The following PRMT3 variants were observed in gnomAD, a reference collection of about 807,000 sequenced individuals.
The protein encoded by PRMT3 is protein arginine N-methyltransferase 3.
A neutral mutation model predicts 71.9 loss-of-function variants in PRMT3; 62 were observed. The ratio of observed to expected loss-of-function variants is 0.86; its 90% CI spans 0.70 to 1.07. PRMT3 has a LOEUF of 1.07. Ranked by LOEUF, PRMT3 falls within the 50% of genes least tolerant of loss-of-function variation. The pLI is 0.00. For missense variants in PRMT3, 663 were observed against 643.0 expected (o/e 1.03, Z -0.34); for synonymous variants, 213 against 220.4 (o/e 0.97, Z 0.30).
At chr11:20,480,415 A>G (rs200356030) in intron 13 of PRMT3, among the ~76,000 whole-genome samples, 21 of 152,292 alleles carry the variant, frequency 1.4e-4, no homozygotes, top group African/African-American at 4.3e-4. Context: ...AAAAATGTCT[A>G]TCTGGTGGTC....
intron 11 of PRMT3, among the ~76,000 whole-genome samples, chr11:20,460,588 C>CTA: frequency 6.6e-6 from 1 of 152,088 alleles, no homozygotes; most frequent in East Asian, 1.9e-4. Flanking sequence ...ATTTATATGC[C>CTA]TATGGTCTCC....
intron 13 of PRMT3, among the ~76,000 whole-genome samples, 160 bp from the exon 14 acceptor site, chr11:20,493,759 G>A (rs958817778): frequency 3.9e-5 from 6 of 151,948 alleles, no homozygotes; most frequent in Non-Finnish European, 8.8e-5. Context: ...ACATTACTTC[G>A]TTTTTACTTA....
At chr11:20,503,541 A>G (rs1005735268) in intron 15 of PRMT3, among the ~76,000 whole-genome samples, 3 of 152,084 alleles carry the variant, frequency 2.0e-5, no homozygotes. Context: ...CAAGACAGTC[A>G]CTGATATGCT....
chr11:20,472,934 G>T (rs1850685509), intron 13 of PRMT3, among the ~76,000 whole-genome samples: 1 of 151,992 alleles, frequency 6.6e-6, no homozygotes, highest in South Asian at 2.1e-4. Context: ...GCTCATTATT[G>T]GTCTCATCAG....
intron 7 of PRMT3, among the ~76,000 whole-genome samples, chr11:20,398,691 A>G (rs923569836): frequency 7.9e-5 from 12 of 152,142 alleles, no homozygotes; most frequent in Non-Finnish European, 1.3e-4. Context: ...TTCTATCTTT[A>G]GATATGCTTA....
At chr11:20,478,628 C>G (rs914501559) in intron 13 of PRMT3, among the ~76,000 whole-genome samples, 1 of 151,868 alleles carries the variant, frequency 6.6e-6, no homozygotes. Context: ...CTTTCAGTTA[C>G]TGAGTTTTTT....
rs565583613 is a variant in PRMT3 at position 20,458,208 on chromosome 11, T to C, written c.1073-3772T>C. On this transcript the variant is annotated intron_variant, in intron 11 of 15. Coordinates refer to ENST00000331079, the MANE Select transcript of PRMT3 (RefSeq NM_005788.4). ...GAAAAAAGTGGTTTATTTTGACTTA[T>C]TTACTATCTCCTTTGTTTTAAATCT... Among the ~76,000 whole-genome samples the C allele has an allele frequency of 3.3e-5, 5 of 152,314 alleles. No homozygotes were observed. In the South Asian group the frequency reaches 1.0e-3, roughly 32 times the overall value.
At chr11:20,477,669 T>C (rs1850825018) in intron 13 of PRMT3, among the ~76,000 whole-genome samples, 1 of 152,198 alleles carries the variant, frequency 6.6e-6, no homozygotes, top group African/African-American at 2.4e-5. Context: ...AAATAGATTT[T>C]CTTGAGGTAC....
At chr11:20,499,537 G>A (rs900207747) in intron 15 of PRMT3, among the ~76,000 whole-genome samples, 2 of 152,170 alleles carry the variant, frequency 1.3e-5, no homozygotes, top group African/African-American at 4.8e-5. Context: ...TGAGGCAGGA[G>A]GATTGCTTAA....
At chr11:20,446,303 T>A (rs994527210) in intron 10 of PRMT3, among the ~76,000 whole-genome samples, 1 of 152,106 alleles carries the variant, frequency 6.6e-6, no homozygotes. Flanking sequence ...TTTTGTCTTA[T>A]GAAGTAATTG....
chr11:20,464,453 T>C lies in PRMT3; in HGVS notation c.1261-7T>C, dbSNP rs757527891. 7.0e-6 allele frequency: 11 copies of C among 1,579,676 alleles called. No individual in the cohort carries two copies. Among genetic ancestry groups the C allele is most frequent in the Non-Finnish European group, 9.4e-6 (11 of 1,167,108 alleles). Reference sequence around the variant, plus strand: ...AAGCTCTTTCTTCACTTCTTTTTAATGGGTAGCATATAGATTGCCATACGA... The same window carrying C: ...AAGCTCTTTCTTCACTTCTTTTTAACGGGTAGCATATAGATTGCCATACGA... On this transcript the variant is annotated splice_region_variant and splice_polypyrimidine_tract_variant and intron_variant, in intron 12 of 15. Transcript: ENST00000331079.
intron 9 of PRMT3, among the ~76,000 whole-genome samples, chr11:20,420,844 C>T (rs573186427): frequency 2.3e-4 from 35 of 152,136 alleles, no homozygotes; most frequent in African/African-American, 8.4e-4. Context: ...CTATCCAACA[C>T]CATAAAGGAG....
At chr11:20,402,819 G>T in intron 7 of PRMT3, 100 bp from the exon 8 acceptor site, 1 of 810,784 alleles carries the variant, frequency 1.2e-6, no homozygotes. Flanking sequence ...AAACTGCTAT[G>T]GAAACTAGCA....
At chr11:20,480,126 T>C (rs75185003) in intron 13 of PRMT3, among the ~76,000 whole-genome samples, 6,430 of 152,210 alleles carry the variant, frequency 0.042, 189 homozygotes, top group Middle Eastern at 0.13. Context: ...CATCTGGTCA[T>C]GGACATCAGA....
At chr11:20,488,528 C>T (rs1298565936) in intron 13 of PRMT3, among the ~76,000 whole-genome samples, 1 of 152,184 alleles carries the variant, frequency 6.6e-6, no homozygotes, top group African/African-American at 2.4e-5. Flanking sequence ...CTTGGATAAA[C>T]TCCATCAAAA....
intron 13 of PRMT3, among the ~76,000 whole-genome samples, chr11:20,474,442 C>G (rs947424326): frequency 2.0e-5 from 3 of 152,190 alleles, no homozygotes; most frequent in African/African-American, 7.2e-5. Context: ...CTAAGAGTAT[C>G]TAGGGACAGA....
At chr11:20,476,333 T>C (rs1466290260) in intron 13 of PRMT3, among the ~76,000 whole-genome samples, 1 of 152,070 alleles carries the variant, frequency 6.6e-6, no homozygotes, top group African/African-American at 2.4e-5. Context: ...GTCTTGGCAA[T>C]AGAGCAAAAA....
At chr11:20,498,892 A>G (rs1459982804) in intron 15 of PRMT3, among the ~76,000 whole-genome samples, 2 of 152,202 alleles carry the variant, frequency 1.3e-5, no homozygotes, top group Non-Finnish European at 1.5e-5. Flanking sequence ...TGCTGAACAA[A>G]TTTATTTTCA....
chr11:20,477,502 G>A (rs1850820719), intron 13 of PRMT3, among the ~76,000 whole-genome samples: 1 of 151,880 alleles, frequency 6.6e-6, no homozygotes, highest in Non-Finnish European at 1.5e-5. Context: ...GTTCCAATGA[G>A]CCGACATAGC....
Sources: gnomAD v4.1 joint callset for allele counts (sites outside exome capture counted in the v4.1 genomes callset) on GRCh38, gnomAD v4.1.1 for gene constraint, MANE v1.5 for transcripts, NCBI Gene and HGNC (gene_info 2026-07-23, HGNC 2026-07-21) for gene names.